GPR173: variants seen among roughly 807,000 people sequenced by gnomAD.
The protein encoded by GPR173 is G protein-coupled receptor 173, also known as probable G protein-coupled receptor 173.
A neutral mutation model predicts 13.9 loss-of-function variants in GPR173; 2 were observed. The observed-to-expected ratio is 0.14, with a 90% confidence interval of 0.06 to 0.45. The LOEUF (loss-of-function observed/expected upper bound fraction) is 0.45. Ranked by LOEUF, GPR173 falls within the 20% of genes least tolerant of loss-of-function variation. GPR173 has a pLI of 0.98. For missense variants in GPR173, 202 were observed against 340.5 expected (o/e 0.59, Z 3.20); for synonymous variants, 131 against 141.0 (o/e 0.93, Z 0.50).
At chrX:53,073,421 TTCC>T (rs1932293624) in intron 1 of GPR173, among the ~76,000 whole-genome samples, 1 of 110,380 alleles carries the variant, frequency 9.1e-6, no homozygotes, top group Non-Finnish European at 1.9e-5. Flanking sequence ...CCTCACTGCC[TTCC>T]CTCTGGGACC....
rs1380194988 is a variant in GPR173, at chrX:53,077,433, G to A, written c.812G>A (p.Arg271Gln). 32 of 1,207,579 alleles carry A rather than the reference G, an allele frequency of 2.6e-5. No homozygotes were observed. In the Middle Eastern group the frequency reaches 6.9e-4, roughly 26 times the overall value. ...IRQNGHAASRRLLGMDEVKGE... is the reference protein window; with the variant it reads ...IRQNGHAASRQLLGMDEVKGE... ...CAGAATGGGCATGCAGCCAGCCGGC[G>A]GCTACTGGGCATGGACGAGGTCAAG... The change falls in exon 2 of 2, where the codon CGG becomes CAG. Residue 271 changes from arginine to glutamine, a missense_variant. Coordinates refer to ENST00000332582, the MANE Select transcript of GPR173 (RefSeq NM_018969.6).
intron 1 of GPR173, among the ~76,000 whole-genome samples, chrX:53,058,974 G>T (rs1932079774): frequency 1.8e-5 from 2 of 109,349 alleles, no homozygotes; most frequent in Non-Finnish European, 3.8e-5. Flanking sequence ...TCTAGGCCGA[G>T]CGCGGTGGCT....
intron 1 of GPR173, among the ~76,000 whole-genome samples, chrX:53,056,126 T>C (rs1232711531): frequency 1.8e-5 from 2 of 108,936 alleles, no homozygotes; most frequent in African/African-American, 6.7e-5. Flanking sequence ...TGGGGTGGGG[T>C]ACAAGTTTGA....
intron 1 of GPR173, among the ~76,000 whole-genome samples, chrX:53,069,262 C>T (rs1932227169): frequency 1.0e-5 from 1 of 96,351 alleles, no homozygotes; most frequent in African/African-American, 4.2e-5. Context: ...GCCCAGCCGA[C>T]CTTTTCTCTT....
At chrX:53,053,910 T>A (rs1031496139) in intron 1 of GPR173, among the ~76,000 whole-genome samples, 1 of 112,152 alleles carries the variant, frequency 8.9e-6, no homozygotes, top group East Asian at 2.8e-4. Context: ...TGGGCACCAA[T>A]CATGGCTGAT....
intron 1 of GPR173, among the ~76,000 whole-genome samples, chrX:53,057,863 C>T (rs1460264848): frequency 8.9e-6 from 1 of 112,596 alleles, no homozygotes; most frequent in Non-Finnish European, 1.9e-5. Context: ...GAGTCCTCTG[C>T]ACCATATAAG....
intron 1 of GPR173, among the ~76,000 whole-genome samples, chrX:53,054,648 A>G (rs1932008441): frequency 9.2e-6 from 1 of 108,278 alleles, no homozygotes; most frequent in African/African-American, 3.4e-5. Context: ...GGATGGTATG[A>G]GTGAGAGTTG....
At chrX:53,061,718 T>G (rs928528691) in intron 1 of GPR173, among the ~76,000 whole-genome samples, 2 of 111,795 alleles carry the variant, frequency 1.8e-5, no homozygotes, top group African/African-American at 6.5e-5. Flanking sequence ...AAATGAAATC[T>G]TTTCAGTTTT....
At position 53,077,823 on chromosome X, in the gene GPR173, C is replaced by A; in HGVS notation, c.*80C>A. 1 of 814,538 alleles carries A rather than the reference C, an allele frequency of 1.2e-6. No individual in the cohort carries two copies. Among genetic ancestry groups the A allele is most frequent in the East Asian group, 3.2e-5 (1 of 30,891 alleles). 67.1% of individuals were successfully genotyped at this position (814,538 alleles called of 1,213,427 possible). On this transcript the variant is annotated 3_prime_UTR_variant, in exon 2 of 2. Transcript: ENST00000332582. Reference sequence around the variant, plus strand: ...CAACAGCAAGGGAGGGGTAGGGGCCCATACAGGAGTCCTCCTTTCTGAGCT... The same window carrying A: ...CAACAGCAAGGGAGGGGTAGGGGCCAATACAGGAGTCCTCCTTTCTGAGCT...
intron 1 of GPR173, among the ~76,000 whole-genome samples, chrX:53,059,165 C>G (rs1373722419): frequency 9.3e-6 from 1 of 107,458 alleles, no homozygotes; most frequent in Non-Finnish European, 1.9e-5. Context: ...AGGAGAATGG[C>G]GTGAACCTGG....
intron 1 of GPR173, among the ~76,000 whole-genome samples, chrX:53,075,056 C>T (rs781862570): frequency 5.7e-5 from 6 of 105,477 alleles, no homozygotes; most frequent in Admixed American, 2.2e-4. Context: ...AAAAAGTTCT[C>T]GCCACGGCCT....
At chrX:53,059,514 A>G (rs1932091227) in intron 1 of GPR173, among the ~76,000 whole-genome samples, 1 of 109,859 alleles carries the variant, frequency 9.1e-6, no homozygotes, top group Non-Finnish European at 1.9e-5. Context: ...GTTTTAGGCC[A>G]GGTGTGGTGA....
At chrX:53,059,077 G>A (rs1415252681) in intron 1 of GPR173, among the ~76,000 whole-genome samples, 2 of 106,217 alleles carry the variant, frequency 1.9e-5, no homozygotes, top group East Asian at 3.0e-4. Flanking sequence ...GTGAAACCCC[G>A]TCTCTACTAA....
intron 1 of GPR173, among the ~76,000 whole-genome samples, chrX:53,074,165 T>C: frequency 1.0e-5 from 1 of 99,933 alleles, no homozygotes; most frequent in African/African-American, 3.9e-5. Flanking sequence ...TAGAAATATA[T>C]ATAAATATAC....
At chrX:53,068,952 C>CTTTTTT (rs144589965) in intron 1 of GPR173, among the ~76,000 whole-genome samples, 1 of 64,914 alleles carries the variant, frequency 1.5e-5, no homozygotes, top group Non-Finnish European at 2.6e-5. Context: ...GACCTTGTCT[C>CTTTTTT]TTTTTTTTTT....
rs1207683937 is a variant in GPR173 at position 53,079,662 on chromosome X, T to C, written c.*1919T>C. ...CATGTGGAGAGACATGATTGAGTGATAGTGTGTGTCTGTGTGACTTTGTGT... is the reference window on the plus strand; with the variant it reads ...CATGTGGAGAGACATGATTGAGTGACAGTGTGTGTCTGTGTGACTTTGTGT... On this transcript the variant is annotated 3_prime_UTR_variant, in exon 2 of 2. Coordinates refer to ENST00000332582, the MANE Select transcript of GPR173 (RefSeq NM_018969.6). 8.2e-6 allele frequency: 1 copy of C among 121,258 alleles called. No homozygotes were observed. Among genetic ancestry groups the C allele is most frequent in the African/African-American group, 3.3e-5 (1 of 30,131 alleles). 10.0% of individuals were successfully genotyped at this position (121,258 alleles called of 1,213,427 possible).
chrX:53,055,537 T>C (rs1247747556), intron 1 of GPR173, among the ~76,000 whole-genome samples: 1 of 110,208 alleles, frequency 9.1e-6, no homozygotes, highest in Non-Finnish European at 1.9e-5. Flanking sequence ...TGTGTATAAC[T>C]GGATGGGTTG....
intron 1 of GPR173, among the ~76,000 whole-genome samples, chrX:53,059,791 C>CA (rs199585364): frequency 3.1e-3 from 195 of 63,933 alleles, no homozygotes; most frequent in Non-Finnish European, 4.4e-3. Context: ...GACCATGTCT[C>CA]AAAAAAAAAA....
rs1931917004 is a variant in GPR173 at position 53,049,081 on chromosome X, G to C, written c.-501G>C. The C allele has an allele frequency of 9.6e-6, 1 of 104,472 alleles. No individual in the cohort carries two copies. The highest frequency in any genetic ancestry group is 3.2e-4 in the East Asian group (1 of 3,089). 8.6% of individuals were successfully genotyped at this position (104,472 alleles called of 1,213,427 possible). A position where few individuals can be genotyped will look rare whatever the true frequency, so the allele number is the denominator to read the frequency against. ...GGAGGGGGGGGGTGGGGGGTGGGGG[G>C]GGTAGGGGGACCGGCAGCCAGGCAG... On this transcript the variant is annotated 5_prime_UTR_variant, in exon 1 of 2. Coordinates refer to ENST00000332582, the MANE Select transcript of GPR173 (RefSeq NM_018969.6).
Sources: allele counts gnomAD v4.1 joint callset (sites outside exome capture counted in the v4.1 genomes callset), GRCh38; gene constraint gnomAD v4.1.1; transcripts MANE v1.5; gene names NCBI Gene and HGNC (gene_info 2026-07-23, HGNC 2026-07-21).